The following SPAG16 variants were observed in gnomAD, a reference collection of about 807,000 sequenced individuals.
The protein encoded by SPAG16 is sperm-associated antigen 16 protein.
In SPAG16, 86 loss-of-function variants were observed where a neutral mutation model predicts 80.4. That is an observed-to-expected ratio of 1.07 (90% CI 0.90 to 1.28). SPAG16 has a LOEUF of 1.28. Among genes scored for constraint, SPAG16 ranks in the 50% most tolerant of loss-of-function variants. The pLI is 0.00. For synonymous variants in SPAG16, 294 were observed against 265.9 expected, an observed-to-expected ratio of 1.11 and a Z score of -1.03; for missense variants, 870 against 765.3, an observed-to-expected ratio of 1.14 and a Z score of -1.61.
intron 7 of SPAG16, among the ~76,000 whole-genome samples, chr2:213,357,916 A>G (rs2065757523): frequency 6.6e-6 from 1 of 152,150 alleles, no homozygotes; most frequent in Admixed American, 6.5e-5. Context: ...TTCCATGTTT[A>G]GTGCTTCCTT....
At chr2:213,297,079 A>G (rs762614835) in intron 2 of SPAG16, 183 bp from the exon 3 acceptor site, 220 of 1,445,514 alleles carry the variant, frequency 1.5e-4, no homozygotes, top group Non-Finnish European at 1.8e-4. Flanking sequence ...GTTTATTGAC[A>G]TTTACAAGGA....
intron 15 of SPAG16, among the ~76,000 whole-genome samples, chr2:214,377,936 C>T (rs1342081365): frequency 6.6e-6 from 1 of 152,148 alleles, no homozygotes; most frequent in Non-Finnish European, 1.5e-5. Flanking sequence ...AATTATAACT[C>T]TTGAAAGATT....
At chr2:214,237,652 A>G (rs548706945) in intron 15 of SPAG16, among the ~76,000 whole-genome samples, 1 of 152,234 alleles carries the variant, frequency 6.6e-6, no homozygotes, top group South Asian at 2.1e-4. Flanking sequence ...GTCATTTACT[A>G]AATTAAACAA....
At chr2:213,335,128 T>C (rs999588241) in intron 5 of SPAG16, among the ~76,000 whole-genome samples, 1 of 152,116 alleles carries the variant, frequency 6.6e-6, no homozygotes, top group African/African-American at 2.4e-5. Flanking sequence ...CATTTAGCAA[T>C]ATAGATAAAT....
intron 12 of SPAG16, among the ~76,000 whole-genome samples, chr2:213,957,570 G>C (rs2044214440): frequency 6.6e-6 from 1 of 151,968 alleles, no homozygotes; most frequent in Non-Finnish European, 1.5e-5. Context: ...CTTTTCATTG[G>C]AGAGTTTAAT....
rs566863079 is a variant in SPAG16, at chr2:213,674,508, A to G, written c.1070+184418A>G. ...ACTAACTCGTCATCTAGCATTAGGT[A>G]TATCTCCCAATGCTATCCCTCCCCC... On this transcript the variant is annotated intron_variant, in intron 10 of 15. Coordinates refer to ENST00000331683, the MANE Select transcript of SPAG16 (RefSeq NM_024532.5). Among the ~76,000 whole-genome samples the G allele has an allele frequency of 1.1e-4, 16 of 150,632 alleles. No individual in the cohort carries two copies. In the East Asian group the frequency reaches 3.1e-3, roughly 29 times the overall value.
At chr2:214,203,592 C>G (rs2033231350) in intron 15 of SPAG16, among the ~76,000 whole-genome samples, 2 of 152,096 alleles carry the variant, frequency 1.3e-5, no homozygotes, top group African/African-American at 4.8e-5. Context: ...AGGATTTGAC[C>G]TTACCTGGAG....
intron 10 of SPAG16, among the ~76,000 whole-genome samples, chr2:213,680,296 A>G (rs754879266): frequency 4.3e-4 from 65 of 152,282 alleles, no homozygotes; most frequent in Admixed American, 1.8e-3. Context: ...CCACAGGAGC[A>G]TAATGGAGAA....
intron 9 of SPAG16, among the ~76,000 whole-genome samples, chr2:213,432,836 G>C (rs567003458): frequency 2.0e-5 from 3 of 152,192 alleles, no homozygotes; most frequent in Non-Finnish European, 4.4e-5. Flanking sequence ...AGTGAACAAA[G>C]ATACAAAAAT....
chr2:213,779,307 A>G (rs1440082606), intron 10 of SPAG16, among the ~76,000 whole-genome samples: 1 of 152,194 alleles, frequency 6.6e-6, no homozygotes, highest in East Asian at 1.9e-4. Context: ...TCAACTCCAC[A>G]TTCCATTTTT....
intron 10 of SPAG16, among the ~76,000 whole-genome samples, chr2:213,654,106 T>C (rs2063125457): frequency 6.6e-6 from 1 of 152,198 alleles, no homozygotes; most frequent in Admixed American, 6.5e-5. Flanking sequence ...CAAATCTCTC[T>C]GATAGTCAAT....
chr2:214,049,352 A>T (rs1353443108), intron 13 of SPAG16, among the ~76,000 whole-genome samples: 1 of 152,078 alleles, frequency 6.6e-6, no homozygotes, highest in Non-Finnish European at 1.5e-5. Flanking sequence ...GATTACCCAG[A>T]CTATAAACAT....
intron 10 of SPAG16, among the ~76,000 whole-genome samples, chr2:213,549,750 TG>T (rs2076728957): frequency 6.6e-6 from 1 of 152,176 alleles, no homozygotes; most frequent in African/African-American, 2.4e-5. Flanking sequence ...TCTGCTAATA[TG>T]CATTAAAAAC....
intron 15 of SPAG16, among the ~76,000 whole-genome samples, chr2:214,161,548 G>T (rs1158053508): frequency 6.6e-6 from 1 of 152,100 alleles, no homozygotes; most frequent in African/African-American, 2.4e-5. Context: ...TTTCTCTAAT[G>T]ATCAGTGATG....
intron 9 of SPAG16, among the ~76,000 whole-genome samples, chr2:213,471,423 A>T (rs2073071524): frequency 6.6e-6 from 1 of 152,192 alleles, no homozygotes. Context: ...AGTTCATGAT[A>T]GGCAGTTCAG....
intron 14 of SPAG16, among the ~76,000 whole-genome samples, chr2:214,120,137 G>A (rs1041279030): frequency 1.3e-5 from 2 of 151,626 alleles, no homozygotes; most frequent in African/African-American, 4.8e-5. Flanking sequence ...ATTCTCTCTA[G>A]TATCTCTTTT....
chr2:214,116,256 TC>T (rs2053929048), intron 14 of SPAG16, among the ~76,000 whole-genome samples: 1 of 152,198 alleles, frequency 6.6e-6, no homozygotes, highest in Admixed American at 6.5e-5. Flanking sequence ...TGAAAGTTGT[TC>T]TTTGGCTTGG....
intron 15 of SPAG16, among the ~76,000 whole-genome samples, chr2:214,288,752 C>CTTATTCATTTATTTAT (rs1693569695): frequency 7.1e-6 from 1 of 141,468 alleles, no homozygotes; most frequent in African/African-American, 2.6e-5. Flanking sequence ...CCTTTGCCCA[C>CTTATTCATTTATTTAT]TTATTTATTT....
rs572722826 is a variant in SPAG16, at chr2:214,212,020, G to A, written c.1720+62754G>A. Among the ~76,000 whole-genome samples the A allele has an allele frequency of 7.2e-5, 11 of 152,148 alleles. No homozygotes were observed. The South Asian group carries it at 1.2e-3, about 17-fold the overall frequency. On this transcript the variant is annotated intron_variant, in intron 15 of 15. Transcript: ENST00000331683. ...ACTTCATTCTTATCTTGCTAAAGCC[G>A]TTGTCCAGAGAGCAAAATATACTTG...
Sources: allele counts gnomAD v4.1 joint callset (sites outside exome capture counted in the v4.1 genomes callset), GRCh38; gene constraint gnomAD v4.1.1; transcripts MANE v1.5; gene names NCBI Gene and HGNC (gene_info 2026-07-23, HGNC 2026-07-21).